CREB5: variants seen among roughly 807,000 people sequenced by gnomAD.
CREB5 encodes cyclic AMP-responsive element-binding protein 5.
Under a neutral mutation model 57.1 loss-of-function variants are expected in CREB5, and 19 were observed. That is an observed-to-expected ratio of 0.33 (90% confidence interval 0.23 to 0.49). CREB5 has a LOEUF of 0.49. CREB5 is among the 20% of genes least tolerant of loss of function. The probability of loss-of-function intolerance (pLI) is 0.99; values close to 1 mark genes in which losing one functional copy is unlikely to be tolerated. For synonymous variants in CREB5, 238 were observed against 238.3 expected, an observed-to-expected ratio of 1.00 and a Z score of 0.01; for missense variants, 579 against 671.6, an observed-to-expected ratio of 0.86 and a Z score of 1.52.
intron 4 of CREB5, among the ~76,000 whole-genome samples, chr7:28,529,557 C>T (rs574457076): frequency 6.6e-6 from 1 of 152,246 alleles, no homozygotes; most frequent in African/African-American, 2.4e-5. Context: ...GAGGGTGGTA[C>T]CTTTTAATCA....
At chr7:28,497,436 T>C (rs754970642) in intron 3 of CREB5, among the ~76,000 whole-genome samples, 1 of 152,222 alleles carries the variant, frequency 6.6e-6, no homozygotes, top group Non-Finnish European at 1.5e-5. Context: ...TAATTTTTAT[T>C]ATGTCAAATT....
In CREB5 at chr7:28,823,749, A is replaced by G. The variant is rs1377038993; in HGVS notation, c.*4470A>G. The G allele has an allele frequency of 6.6e-6, 1 of 152,434 alleles. No homozygotes were observed. Among genetic ancestry groups the G allele is most frequent in the Non-Finnish European group, 1.5e-5 (1 of 68,034 alleles). The allele number at this position is 152,434 out of a possible 1,614,324, so 9.4% of individuals were successfully genotyped here. On this transcript the variant is annotated 3_prime_UTR_variant, in exon 11 of 11. Transcript: ENST00000357727. ...CTCCACCCCACCCCAATTTCCTAGA[A>G]AGCCTTGCACTATTCAGCTCCCTTA...
intron 1 of CREB5, among the ~76,000 whole-genome samples, chr7:28,430,974 G>T (rs993029903): frequency 6.6e-6 from 1 of 152,208 alleles, no homozygotes; most frequent in Non-Finnish European, 1.5e-5. Context: ...AAGCTCACTT[G>T]TATGGCTGTT....
intron 4 of CREB5, among the ~76,000 whole-genome samples, chr7:28,550,886 A>G (rs898967476): frequency 1.3e-5 from 2 of 152,236 alleles, no homozygotes; most frequent in Non-Finnish European, 1.5e-5. Flanking sequence ...CACTTGGAGT[A>G]TCACCCCGAG....
intron 5 of CREB5, among the ~76,000 whole-genome samples, chr7:28,692,274 C>T (rs1412616527): frequency 1.3e-5 from 2 of 151,716 alleles, no homozygotes; most frequent in East Asian, 3.9e-4. Context: ...TTCTGACCTT[C>T]AAAGGGGACT....
intron 5 of CREB5, among the ~76,000 whole-genome samples, chr7:28,692,845 T>TA (rs1017329129): frequency 2.0e-5 from 3 of 152,206 alleles, no homozygotes; most frequent in African/African-American, 7.2e-5. Context: ...AGTAATTTCT[T>TA]AAAGACTTAC....
rs569296027 is a variant in CREB5, at chr7:28,450,997, G to A, written c.4-37178G>A. ...GGGAACCTGGCTCTTTGTGCCTCAA[G>A]TCAAGGTAATTTGGGCAAAACATAT... is the stretch of plus-strand genomic sequence containing the variant. On this transcript the variant is annotated intron_variant, in intron 1 of 10. Coordinates refer to ENST00000357727, the MANE Select transcript of CREB5 (RefSeq NM_182898.4). 1.8e-4 allele frequency among the ~76,000 whole-genome samples: 27 copies of A among 152,272 alleles called. No homozygotes were observed. In the South Asian group the frequency reaches 2.3e-3, roughly 13 times the overall value.
chr7:28,376,627 AAGG>A (rs1404323927), intron 1 of CREB5, among the ~76,000 whole-genome samples: 1 of 152,216 alleles, frequency 6.6e-6, no homozygotes, highest in Non-Finnish European at 1.5e-5. Flanking sequence ...ACTGAAGCCA[AAGG>A]TGAGGTGGTT....
intron 5 of CREB5, among the ~76,000 whole-genome samples, chr7:28,668,613 A>G (rs1799918620): frequency 6.6e-6 from 1 of 152,230 alleles, no homozygotes. Flanking sequence ...TACAAAAACC[A>G]AAACAAAATG....
At chr7:28,610,847 T>C (rs1425006256) in intron 5 of CREB5, among the ~76,000 whole-genome samples, 1 of 152,030 alleles carries the variant, frequency 6.6e-6, no homozygotes, top group African/African-American at 2.4e-5. Flanking sequence ...TGCTTCTTTT[T>C]GTTTTGTTTT....
chr7:28,735,752 G>A (rs971925950), intron 7 of CREB5, among the ~76,000 whole-genome samples: 1 of 151,504 alleles, frequency 6.6e-6, no homozygotes, highest in South Asian at 2.1e-4. Flanking sequence ...TTATATAATA[G>A]TATTAAACAT....
intron 1 of CREB5, among the ~76,000 whole-genome samples, chr7:28,402,121 G>T (rs1393252787): frequency 7.2e-5 from 11 of 152,144 alleles, no homozygotes. Flanking sequence ...GTGTGAGATG[G>T]TATCTCATTG....
chr7:28,729,365 C>T (rs890937102), intron 7 of CREB5, among the ~76,000 whole-genome samples: 7 of 152,176 alleles, frequency 4.6e-5, no homozygotes, highest in Admixed American at 2.6e-4. Context: ...GTGCTTCTGT[C>T]GGCTCGTGGT....
At chr7:28,421,346 A>G (rs1788237244) in intron 1 of CREB5, among the ~76,000 whole-genome samples, 1 of 152,120 alleles carries the variant, frequency 6.6e-6, no homozygotes, top group Admixed American at 6.5e-5. Context: ...GCTGAGTAGT[A>G]TTTCATGGTA....
At chr7:28,600,884 T>G (rs1796890717) in intron 5 of CREB5, among the ~76,000 whole-genome samples, 1 of 152,162 alleles carries the variant, frequency 6.6e-6, no homozygotes, top group Non-Finnish European at 1.5e-5. Context: ...TAACCCCAGA[T>G]GAACACTTTC....
At chr7:28,573,725 T>C (rs761285148) in intron 5 of CREB5, among the ~76,000 whole-genome samples, 1 of 152,148 alleles carries the variant, frequency 6.6e-6, no homozygotes, top group East Asian at 1.9e-4. Context: ...AAAATGGGAG[T>C]AGTGCCAGTT....
chr7:28,642,394 A>C lies in CREB5; in HGVS notation c.464+71857A>C, dbSNP rs1383556546. On this transcript the variant is annotated intron_variant, in intron 5 of 10. Coordinates refer to ENST00000357727, the MANE Select transcript of CREB5 (RefSeq NM_182898.4). ...CTCACCCTTCTCCCAGTCCCAAGAG[A>C]CATAATTAAAACTCCAGAAAGTGAG... is the stretch of plus-strand genomic sequence containing the variant. Among the ~76,000 whole-genome samples, 7 of 152,180 alleles carry C rather than the reference A, an allele frequency of 4.6e-5. No individual in the cohort carries two copies. The East Asian group carries it at 1.3e-3, about 29-fold the overall frequency.
chr7:28,496,378 A>G (rs1792046914), intron 3 of CREB5, among the ~76,000 whole-genome samples: 1 of 152,148 alleles, frequency 6.6e-6, no homozygotes, highest in African/African-American at 2.4e-5. Context: ...ACAATATTTT[A>G]AATTCTTTTT....
intron 5 of CREB5, among the ~76,000 whole-genome samples, chr7:28,682,098 A>G (rs1800625688): frequency 6.6e-6 from 1 of 152,212 alleles, no homozygotes; most frequent in Non-Finnish European, 1.5e-5. Flanking sequence ...GACACAGGAA[A>G]GGCCAGTGAA....
Sources: allele counts gnomAD v4.1 joint callset (sites outside exome capture counted in the v4.1 genomes callset), GRCh38; gene constraint gnomAD v4.1.1; transcripts MANE v1.5; gene names NCBI Gene and HGNC (gene_info 2026-07-23, HGNC 2026-07-21).